PAGR1: variants seen among roughly 807,000 people sequenced by gnomAD.
PAGR1 encodes PAXIP1-associated glutamate-rich protein 1.
PAGR1 carries 20 observed loss-of-function variants against 22.4 expected under a neutral mutation model. That is an observed-to-expected ratio of 0.89 (90% CI 0.63 to 1.30). The LOEUF is 1.30. Among genes scored for constraint, PAGR1 ranks in the 50% most tolerant of loss-of-function variants. PAGR1 has a pLI of 0.00. For missense variants in PAGR1, 338 were observed against 343.6 expected (o/e 0.98, Z 0.13); for synonymous variants, 161 against 148.3 (o/e 1.09, Z -0.62).
chr16:29,819,527 C>T (rs1180763354), intron 2 of PAGR1, 28 bp from the exon 3 acceptor site: 1 of 1,612,780 alleles, frequency 6.2e-7, no homozygotes, highest in South Asian at 1.1e-5. Context: ...TCCATCCCTT[C>T]CATGTATCTT....
At position 29,816,986 on chromosome 16, in the gene PAGR1, C is replaced by T. The variant is rs1201985510; in HGVS notation, c.461C>T (p.Ala154Val). 3.2e-6 allele frequency: 5 copies of T among 1,567,612 alleles called. No homozygotes were observed. The highest frequency in any genetic ancestry group is 4.3e-6 in the Non-Finnish European group (5 of 1,158,840). ...GAGAGATCCGATGAGGAGCCGGAGG[C>T]CAAAGAAGAGGAAGAGGAAAAGTAA... ...EEERSDEEPE[A>V]KEEEEEKPHM... The change falls in exon 1 of 3, where the codon GCC becomes GTC. Residue 154 changes from alanine to valine, a missense_variant. This residue lies in a region of PAGR1 where 235 missense variants were observed against 216.0 expected (regional missense o/e 1.09). Transcript: ENST00000320330.
rs192300272 is a variant in PAGR1, at chr16:29,821,842, G to C, written c.*2088G>C. Among the ~76,000 whole-genome samples the C allele has an allele frequency of 1.4e-3, 209 of 152,330 alleles. No homozygotes were observed. Among genetic ancestry groups the C allele is most frequent in the Non-Finnish European group, 2.2e-3 (147 of 68,026 alleles). The stretch of plus-strand genomic sequence containing the variant: ...GCTGTTACTTAGGGGCGTTTGCCTA[G>C]AACACAGGGTCCAGAGGCTCTCTCC... On this transcript the variant is annotated 3_prime_UTR_variant, in exon 3 of 3. Coordinates refer to ENST00000320330, the MANE Select transcript of PAGR1 (RefSeq NM_024516.4).
intron 2 of PAGR1, chr16:29,819,271 CTCT>C (rs778829156): frequency 1.8e-5 from 7 of 397,072 alleles, no homozygotes; most frequent in Admixed American, 4.0e-5. Flanking sequence ...CCGGCCTGCA[CTCT>C]TCTTTGAACA....
rs58807414 is a variant in PAGR1, at chr16:29,822,321, TAAAA to T, written c.*2577_*2580del. Among the ~76,000 whole-genome samples the T allele has an allele frequency of 0.037, 5,342 of 143,560 alleles. 306 individuals are homozygous for T. The highest frequency in any genetic ancestry group is 0.13 in the African/African-American group (5,015 of 39,712). 94.2% of individuals were successfully genotyped at this position (143,560 alleles called of 152,430 possible). On this transcript the variant is annotated 3_prime_UTR_variant, in exon 3 of 3. Coordinates refer to ENST00000320330, the MANE Select transcript of PAGR1 (RefSeq NM_024516.4). ...AAAAGTTCCTAAAACTGTGCTGCTT[TAAAA>T]AAAAAAAAAGTAATTTATGAGACAC...
Position 29,816,990 on chromosome 16 carries a change from AGAAGAG to A in PAGR1, c.475_480del (p.Glu159_Glu160del), listed in dbSNP as rs1403251690. The A allele has an allele frequency of 1.9e-6, 3 of 1,566,760 alleles. No homozygotes were observed. The highest frequency in any genetic ancestry group is 1.7e-6 in the Non-Finnish European group (2 of 1,158,416). On this transcript the variant is annotated inframe_deletion, in exon 1 of 3. Transcript: ENST00000320330. ...GATCCGATGAGGAGCCGGAGGCCAA[AGAAGAG>A]GAAGAGGAAAAGTAAAGGCACACCC...
intron 2 of PAGR1, 117 bp downstream of exon 2, chr16:29,817,409 A>G: frequency 2.3e-6 from 2 of 863,028 alleles, no homozygotes; most frequent in Non-Finnish European, 3.8e-6. Context: ...TTACAGCTGC[A>G]GGAGAGAGTA....
In PAGR1 at chr16:29,820,043, T is replaced by C. The variant is rs533346488; in HGVS notation, c.*289T>C. ...GAGTGTGTGAGTGTGTGTTTTCTAT[T>C]GAACACCTATTCAGAGACCTGGACT... On this transcript the variant is annotated 3_prime_UTR_variant, in exon 3 of 3. Transcript: ENST00000320330. 19 of 356,526 alleles carry C rather than the reference T, an allele frequency of 5.3e-5. No homozygotes were observed. Among genetic ancestry groups the C allele is most frequent in the Non-Finnish European group, 9.2e-5 (18 of 195,266 alleles). The allele number at this position is 356,526 out of a possible 1,614,324, so 22.1% of individuals were successfully genotyped here.
rs1224104225 is a variant in PAGR1, at chr16:29,821,462, T to C, written c.*1708T>C. On this transcript the variant is annotated 3_prime_UTR_variant, in exon 3 of 3. Transcript: ENST00000320330. ...CTCCAAGGTAACGGGGTGCTCAGGT[T>C]ATCTTGGGTGCTGCCCTCCCAGGTT... 2.0e-5 allele frequency: 3 copies of C among 152,292 alleles called. No homozygotes were observed. The highest frequency in any genetic ancestry group is 7.2e-5 in the African/African-American group (3 of 41,448). 9.4% of individuals were successfully genotyped at this position (152,292 alleles called of 1,614,324 possible).
rs901278028 is a variant in PAGR1 at position 29,820,315 on chromosome 16, C to T, written c.*561C>T. ...GCTCCAAGGTAGAAACCCATGAGCA[C>T]TCAGGGAGCAGTGTGCCTTCAGCTG... is the stretch of plus-strand genomic sequence containing the variant. On this transcript the variant is annotated 3_prime_UTR_variant, in exon 3 of 3. Coordinates refer to ENST00000320330, the MANE Select transcript of PAGR1 (RefSeq NM_024516.4). 6.6e-6 allele frequency: 1 copy of T among 152,364 alleles called. No homozygotes were observed. The highest frequency in any genetic ancestry group is 1.5e-5 in the Non-Finnish European group (1 of 68,146). The allele number at this position is 152,364 out of a possible 1,614,324, so 9.4% of individuals were successfully genotyped here.
rs1217255464 is a variant in PAGR1 at position 29,822,443 on chromosome 16, C to A, written c.*2689C>A. On this transcript the variant is annotated 3_prime_UTR_variant, in exon 3 of 3. Coordinates refer to ENST00000320330, the MANE Select transcript of PAGR1 (RefSeq NM_024516.4). Reference sequence around the variant, plus strand: ...GTTGGCAATTCCTGAGTCATGTGACCCATTCTCTAAAGACTAGAATATTTA... The same window carrying A: ...GTTGGCAATTCCTGAGTCATGTGACACATTCTCTAAAGACTAGAATATTTA... The A allele has an allele frequency of 1.3e-5, 2 of 152,102 alleles. No individual in the cohort carries two copies. The highest frequency in any genetic ancestry group is 2.4e-5 in the African/African-American group (1 of 41,416). 9.4% of individuals were successfully genotyped at this position (152,102 alleles called of 1,614,324 possible). A position where few individuals can be genotyped will look rare whatever the true frequency, so the allele number is the denominator to read the frequency against.
chr16:29,819,895 G>A lies in PAGR1; in HGVS notation c.*141G>A, dbSNP rs1900325725. ...AACAGCACGTTGCGGGAAAGAGGAA[G>A]AGAGAGTGTGAGTGTGTGTGTGTGT... On this transcript the variant is annotated 3_prime_UTR_variant, in exon 3 of 3. Transcript: ENST00000320330. 2 of 906,928 alleles carry A rather than the reference G, an allele frequency of 2.2e-6. No individual in the cohort carries two copies. Among genetic ancestry groups the A allele is most frequent in the African/African-American group, 1.7e-5 (1 of 59,340 alleles). 56.2% of individuals were successfully genotyped at this position (906,928 alleles called of 1,614,324 possible).
chr16:29,817,369 C>T lies in PAGR1; in HGVS notation c.565+77C>T. On this transcript the variant is annotated intron_variant, in intron 2 of 2. Coordinates refer to ENST00000320330, the MANE Select transcript of PAGR1 (RefSeq NM_024516.4). ...ACCCAAGATCGGCTCCCCTAGAGGC[C>T]TTTGCTTGCTGCCTCAGCTCCCACA... 2.2e-6 allele frequency: 3 copies of T among 1,392,828 alleles called. No individual in the cohort carries two copies. In the Middle Eastern group the frequency reaches 5.3e-4, roughly 246 times the overall value. The allele number at this position is 1,392,828 out of a possible 1,614,324, so 86.3% of individuals were successfully genotyped here. A position where few individuals can be genotyped will look rare whatever the true frequency, so the allele number is the denominator to read the frequency against.
In PAGR1 at chr16:29,816,215, G is replaced by A. The variant is rs1243299018; in HGVS notation, c.-311G>A. On this transcript the variant is annotated 5_prime_UTR_variant, in exon 1 of 3. Coordinates refer to ENST00000320330, the MANE Select transcript of PAGR1 (RefSeq NM_024516.4). The stretch of plus-strand genomic sequence containing the variant: ...GAAAGGTCTGGGGAGAAGGCGCCGT[G>A]TCCGGGTGTGGAGAGGGGCGTCGTG... 1.3e-5 allele frequency: 5 copies of A among 395,786 alleles called. No individual in the cohort carries two copies. The highest frequency in any genetic ancestry group is 4.1e-5 in the Admixed American group (1 of 24,302). 24.5% of individuals were successfully genotyped at this position (395,786 alleles called of 1,614,324 possible). A position where few individuals can be genotyped will look rare whatever the true frequency, so the allele number is the denominator to read the frequency against.
At position 29,821,692 on chromosome 16, in the gene PAGR1, C is replaced by T. The variant is rs752128297; in HGVS notation, c.*1938C>T. Among the ~76,000 whole-genome samples the T allele has an allele frequency of 1.3e-5, 2 of 152,168 alleles. No homozygotes were observed. Among genetic ancestry groups the T allele is most frequent in the Non-Finnish European group, 2.9e-5 (2 of 68,024 alleles). On this transcript the variant is annotated 3_prime_UTR_variant, in exon 3 of 3. Transcript: ENST00000320330. ...TTATAGCCAGGTTGGACTTCCGGCT[C>T]CGTCCTTTGATAACTGTGTGCTCTT...
chr16:29,819,527 C>A (rs1180763354), intron 2 of PAGR1, 28 bp from the exon 3 acceptor site: 2 of 1,612,780 alleles, frequency 1.2e-6, no homozygotes, highest in South Asian at 1.1e-5. Context: ...TCCATCCCTT[C>A]CATGTATCTT....
chr16:29,816,778 G>T lies in PAGR1; in HGVS notation c.253G>T (p.Glu85Ter). 2 of 1,581,074 alleles carry T rather than the reference G, an allele frequency of 1.3e-6. No homozygotes were observed. The highest frequency in any genetic ancestry group is 2.3e-5 in the East Asian group (1 of 43,174). The change falls in exon 1 of 3, where the codon GAG becomes TAG. Residue 85 changes from glutamate to a stop codon, truncating the protein, a stop_gained. Coordinates refer to ENST00000320330, the MANE Select transcript of PAGR1 (RefSeq NM_024516.4). LOFTEE classifies it high-confidence loss of function. Reference sequence around the variant, plus strand: ...AGAAGAGCCTGCCGAGGAGGACTCCGAGGACTGGTGCGTGCCCTGCAGCGA... The same window carrying T: ...AGAAGAGCCTGCCGAGGAGGACTCCTAGGACTGGTGCGTGCCCTGCAGCGA... ...GGEEPAEEDS[E>*]DWCVPCSDEE...
At chr16:29,819,006 G>A (rs1291857944) in intron 2 of PAGR1, among the ~76,000 whole-genome samples, 1 of 151,586 alleles carries the variant, frequency 6.6e-6, no homozygotes, top group Non-Finnish European at 1.5e-5. Context: ...TGTTTTTGGC[G>A]AGTAGGGGAG....
Position 29,820,008 on chromosome 16 carries a change from T to A in PAGR1, c.*254T>A. On this transcript the variant is annotated 3_prime_UTR_variant, in exon 3 of 3. Transcript: ENST00000320330. ...GTGTGTGTGTTTTCTATTGAACATCTATATAGAGAGAGTGTGTGAGTGTGT... is the reference window on the plus strand; with the variant it reads ...GTGTGTGTGTTTTCTATTGAACATCAATATAGAGAGAGTGTGTGAGTGTGT... 1 of 480,328 alleles carries A rather than the reference T, an allele frequency of 2.1e-6. No homozygotes were observed. Among genetic ancestry groups the A allele is most frequent in the Non-Finnish European group, 3.7e-6 (1 of 269,818 alleles). The allele number at this position is 480,328 out of a possible 1,614,324, so 29.8% of individuals were successfully genotyped here. A position where few individuals can be genotyped will look rare whatever the true frequency, so the allele number is the denominator to read the frequency against.
At chr16:29,818,550 A>G (rs554473328) in intron 2 of PAGR1, 2 of 152,306 alleles carry the variant, frequency 1.3e-5, no homozygotes, top group East Asian at 1.9e-4. Flanking sequence ...TGAACCTTTT[A>G]AAACATAAAT....
Sources: gnomAD v4.1 joint callset for allele counts (sites outside exome capture counted in the v4.1 genomes callset) on GRCh38, gnomAD v4.1.1 for gene constraint, gnomAD v4.1.1 regional missense constraint, MANE v1.5 for transcripts, NCBI Gene and HGNC (gene_info 2026-07-23, HGNC 2026-07-21) for gene names.